Variants in ACACA observed in about 807,000 individuals in gnomAD.
The protein encoded by ACACA is acetyl-CoA carboxylase alpha, also known as acetyl-CoA carboxylase 1.
In ACACA, 103 loss-of-function variants were observed where a neutral mutation model predicts 296.1. That is an observed-to-expected ratio of 0.35 (90% CI 0.30 to 0.41). The LOEUF (loss-of-function observed/expected upper bound fraction) is 0.41, where lower values mean the gene tolerates loss of function less well. Among genes scored for constraint, ACACA ranks in the 10% least tolerant of loss-of-function variants. The probability of loss-of-function intolerance (pLI) is 1.00; values close to 1 mark genes in which losing one functional copy is unlikely to be tolerated. For missense variants in ACACA, 1,554 were observed against 2,989.7 expected (o/e 0.52, Z 11.20); for synonymous variants, 953 against 1,038.6 (o/e 0.92, Z 1.58).
At chr17:37,106,102 C>T (rs1025843875) in intron 52 of ACACA, among the ~76,000 whole-genome samples, 1 of 151,820 alleles carries the variant, frequency 6.6e-6, no homozygotes, top group African/African-American at 2.4e-5. Context: ...TCTATGTAAT[C>T]ACATTTTCTA....
At chr17:37,105,298 G>A (rs553971992) in intron 52 of ACACA, among the ~76,000 whole-genome samples, 1 of 152,268 alleles carries the variant, frequency 6.6e-6, no homozygotes, top group East Asian at 1.9e-4. Flanking sequence ...TGATATTAAA[G>A]TGTTTTTAAA....
chr17:37,245,317 TA>T, intron 19 of ACACA, 103 bp from the exon 20 acceptor site: 1 of 1,176,554 alleles, frequency 8.5e-7, no homozygotes, highest in Non-Finnish European at 1.2e-6. Flanking sequence ...GGACCACACC[TA>T]ATTTGACCAA....
At chr17:37,391,437 T>C (rs1376235693) in intron 1 of ACACA, among the ~76,000 whole-genome samples, 1 of 152,124 alleles carries the variant, frequency 6.6e-6, no homozygotes, top group East Asian at 1.9e-4. Flanking sequence ...ACTTTGCTAG[T>C]GGGTTATAGG....
chr17:37,381,817 TG>T (rs1201222071), intron 1 of ACACA, among the ~76,000 whole-genome samples: 24 of 150,804 alleles, frequency 1.6e-4, no homozygotes, highest in East Asian at 5.9e-4. Flanking sequence ...TTGGTAGAGA[TG>T]GGGTTTCACC....
At chr17:37,299,516 T>C in intron 3 of ACACA, 4 of 1,442,832 alleles carry the variant, frequency 2.8e-6, no homozygotes, top group Non-Finnish European at 3.6e-6. Context: ...TTTTGTCTAA[T>C]TGTTCCCAAT....
chr17:37,343,599 T>C (rs2048482315), intron 1 of ACACA, among the ~76,000 whole-genome samples: 2 of 151,914 alleles, frequency 1.3e-5, no homozygotes, highest in African/African-American at 2.4e-5. Flanking sequence ...ACCCCATCTC[T>C]ACTAAAAATG....
At chr17:37,246,479 C>T (rs1471419075) in intron 19 of ACACA, among the ~76,000 whole-genome samples, 1 of 152,012 alleles carries the variant, frequency 6.6e-6, no homozygotes, top group African/African-American at 2.4e-5. Context: ...AATTGTACCA[C>T]TCCAGTACAG....
intron 37 of ACACA, 32 bp from the exon 38 acceptor site, chr17:37,191,307 T>C (rs766467125): frequency 5.0e-6 from 8 of 1,601,422 alleles, no homozygotes; most frequent in African/African-American, 1.3e-5. Flanking sequence ...AACATTAATG[T>C]AGTTTAAAAG....
intron 8 of ACACA, chr17:37,274,633 G>A (rs1012655360): frequency 4.1e-6 from 4 of 985,226 alleles, no homozygotes; most frequent in Non-Finnish European, 3.6e-6. Flanking sequence ...TTCAAACTGT[G>A]TGTTCAGGCC....
At position 37,113,461 on chromosome 17, in the gene ACACA, C is replaced by A. The variant is rs2074085067; in HGVS notation, c.6275-196G>T. 6.6e-6 allele frequency among the ~76,000 whole-genome samples: 1 copy of A among 152,198 alleles called. No homozygotes were observed. Among genetic ancestry groups the A allele is most frequent in the Non-Finnish European group, 1.5e-5 (1 of 68,030 alleles). On this transcript the variant is annotated intron_variant, in intron 50 of 55. Transcript: ENST00000616317. This position sits in a 1 kb window ranked among gnomAD's most constrained non-coding sequence, Gnocchi z 4.0. ...GAGGATCTTCAAAAGCACAAGACAG[C>A]AACAGAGAGATGCACTGTCTTTCAC...
At chr17:37,135,409 G>A (rs1171817460) in intron 45 of ACACA, among the ~76,000 whole-genome samples, 3 of 152,124 alleles carry the variant, frequency 2.0e-5, no homozygotes, top group South Asian at 2.1e-4. Context: ...GAAGGGGCTC[G>A]GTGACATACT....
At chr17:37,213,100 T>C (rs1167632497) in intron 29 of ACACA, among the ~76,000 whole-genome samples, 1 of 151,884 alleles carries the variant, frequency 6.6e-6, no homozygotes, top group Non-Finnish European at 1.5e-5. Context: ...GGTGGATCAC[T>C]TGAGCCCAGG....
At chr17:37,197,101 G>A (rs147518633) in intron 35 of ACACA, among the ~76,000 whole-genome samples, 5 of 152,156 alleles carry the variant, frequency 3.3e-5, no homozygotes, top group African/African-American at 7.2e-5. Context: ...CAGTGTCAAC[G>A]GACTAGGGTG....
At chr17:37,171,960 C>G (rs1046205794) in intron 41 of ACACA, among the ~76,000 whole-genome samples, 4 of 152,104 alleles carry the variant, frequency 2.6e-5, no homozygotes, top group African/African-American at 7.2e-5. Context: ...CTACTATAGT[C>G]CCAGAAGCCT....
chr17:37,321,940 C>A (rs2047378222), intron 3 of ACACA, among the ~76,000 whole-genome samples: 1 of 142,778 alleles, frequency 7.0e-6, no homozygotes, highest in Non-Finnish European at 1.5e-5. Context: ...AAGACTCCAT[C>A]TCAAAAAAAA....
At chr17:37,087,553 T>C in intron 55 of ACACA, 114 bp from the exon 56 acceptor site, 1 of 1,263,304 alleles carries the variant, frequency 7.9e-7, no homozygotes, top group Non-Finnish European at 1.1e-6. Flanking sequence ...GACATTTTAG[T>C]CACGCCTCAC....
chr17:37,254,598 A>G (rs893311475), intron 14 of ACACA, among the ~76,000 whole-genome samples: 1 of 152,176 alleles, frequency 6.6e-6, no homozygotes, highest in African/African-American at 2.4e-5. Context: ...TCTGGATTGT[A>G]AAGTTTTGTG....
At chr17:37,375,377 C>T (rs1272458609) in intron 1 of ACACA, among the ~76,000 whole-genome samples, 1 of 151,586 alleles carries the variant, frequency 6.6e-6, no homozygotes, top group East Asian at 1.9e-4. Flanking sequence ...GTCCCACCTA[C>T]TCAGGAGGCT....
At position 37,389,225 on chromosome 17, in the gene ACACA, C is replaced by A. The variant is rs777298912; in HGVS notation, c.38+17037G>T. On this transcript the variant is annotated intron_variant, in intron 1 of 55. Coordinates refer to ENST00000616317, the MANE Select transcript of ACACA (RefSeq NM_198834.3). The stretch of plus-strand genomic sequence containing the variant: ...GCTTACCAGCCACTTCATATTAATA[C>A]CAGTCATTTTCTCCCTTCAGTATCA... 5.8e-6 allele frequency: 9 copies of A among 1,561,496 alleles called. No individual in the cohort carries two copies. The Admixed American group carries it at 1.8e-4, about 30-fold the overall frequency.
Sources: gnomAD v4.1 joint callset for allele counts (sites outside exome capture counted in the v4.1 genomes callset) on GRCh38, gnomAD v4.1.1 for gene constraint, Gnocchi (gnomAD v3.1) non-coding constraint, MANE v1.5 for transcripts, NCBI Gene and HGNC (gene_info 2026-07-23, HGNC 2026-07-21) for gene names.